SDK1: variants seen among roughly 807,000 people sequenced by gnomAD.
SDK1 encodes sidekick cell adhesion molecule 1, also known as protein sidekick-1.
Under a neutral mutation model 245.5 loss-of-function variants are expected in SDK1, and 157 were observed. The observed-to-expected ratio is 0.64, with a 90% confidence interval of 0.56 to 0.73. The LOEUF (loss-of-function observed/expected upper bound fraction) is 0.73, where lower values mean the gene tolerates loss of function less well. SDK1 is among the 30% of genes least tolerant of loss of function. SDK1 has a pLI of 0.00. For synonymous variants in SDK1, 1,647 were observed against 1,278.5 expected (o/e 1.29, Z -6.15); for missense variants, 3,583 against 3,002.3 (o/e 1.19, Z -4.52).
chr7:4,079,282 T>C (rs1780904178), intron 21 of SDK1, among the ~76,000 whole-genome samples, 181 bp from the exon 22 acceptor site: 1 of 152,244 alleles, frequency 6.6e-6, no homozygotes, highest in South Asian at 2.1e-4. Context: ...GCAAAAACCA[T>C]GCACTGATCA....
chr7:4,051,145 A>G (rs893715224), intron 18 of SDK1, among the ~76,000 whole-genome samples: 1 of 140,004 alleles, frequency 7.1e-6, no homozygotes. Flanking sequence ...TAATATATGT[A>G]TAATATATAC....
intron 4 of SDK1, among the ~76,000 whole-genome samples, chr7:3,774,146 C>T (rs1399696578): frequency 6.9e-5 from 10 of 144,820 alleles, no homozygotes; most frequent in Admixed American, 2.9e-4. Flanking sequence ...ACCCAGGAGG[C>T]GGAGGTTGCA....
intron 1 of SDK1, among the ~76,000 whole-genome samples, chr7:3,444,328 C>G (rs560047813): frequency 6.6e-6 from 1 of 152,134 alleles, no homozygotes; most frequent in Non-Finnish European, 1.5e-5. Context: ...TCCCCAACTT[C>G]CATGTTCTTA....
intron 1 of SDK1, among the ~76,000 whole-genome samples, chr7:3,482,646 G>C (rs1308459715): frequency 6.6e-6 from 1 of 152,082 alleles, no homozygotes; most frequent in South Asian, 2.1e-4. Flanking sequence ...TATCCTACTG[G>C]GGAGGTCCAA....
intron 4 of SDK1, among the ~76,000 whole-genome samples, chr7:3,759,469 C>CA (rs1304569055): frequency 6.6e-6 from 1 of 152,144 alleles, no homozygotes; most frequent in African/African-American, 2.4e-5. Context: ...TGGTGAAAGC[C>CA]AGCGACTGTG....
chr7:3,659,824 G>A (rs1783298927), intron 4 of SDK1, among the ~76,000 whole-genome samples: 3 of 152,188 alleles, frequency 2.0e-5, no homozygotes, highest in African/African-American at 7.2e-5. Flanking sequence ...TGGATGACGT[G>A]GAGAAAAGTG....
Position 3,463,358 on chromosome 7 carries a change from A to G in SDK1, c.299-155722A>G, listed in dbSNP as rs541593387. Among the ~76,000 whole-genome samples, 3 of 151,892 alleles carry G rather than the reference A, an allele frequency of 2.0e-5. 1 individual carries two copies. The highest frequency in any genetic ancestry group is 4.2e-4 in the South Asian group (2 of 4,808). On this transcript the variant is annotated intron_variant, in intron 1 of 44. Coordinates refer to ENST00000404826, the MANE Select transcript of SDK1 (RefSeq NM_152744.4). ...TTAGGACTCACATATTCATGAATGA[A>G]TGAATGAATGAATGAATGAATGAAC...
intron 4 of SDK1, among the ~76,000 whole-genome samples, chr7:3,672,788 T>A (rs1464452563): frequency 9.5e-6 from 1 of 105,626 alleles, no homozygotes; most frequent in South Asian, 3.0e-4. Context: ...TATATATATA[T>A]ATATATAAAA....
At chr7:4,189,487 C>G (rs1225630400) in intron 35 of SDK1, among the ~76,000 whole-genome samples, 1 of 152,246 alleles carries the variant, frequency 6.6e-6, no homozygotes, top group African/African-American at 2.4e-5. Context: ...GTGTCCAGCA[C>G]TGTGGCCTTT....
At chr7:4,175,962 A>G in intron 34 of SDK1, 128 bp downstream of exon 34, 3 of 742,892 alleles carry the variant, frequency 4.0e-6, no homozygotes, top group Non-Finnish European at 7.1e-6. Context: ...CGCCTCTCAA[A>G]CGCTGCGTCT....
chr7:3,492,960 C>A (rs914192696), intron 1 of SDK1, among the ~76,000 whole-genome samples: 4 of 151,814 alleles, frequency 2.6e-5, no homozygotes, highest in Non-Finnish European at 5.9e-5. Flanking sequence ...TTTTATTTTT[C>A]TATTTTTTGA....
intron 4 of SDK1, among the ~76,000 whole-genome samples, chr7:3,696,575 T>C (rs1025701406): frequency 1.3e-4 from 5 of 39,248 alleles, no homozygotes; most frequent in African/African-American, 2.0e-4. Flanking sequence ...TCTGTGTTTG[T>C]GTGTGTGTGT....
At chr7:3,556,577 T>G (rs531044152) in intron 1 of SDK1, among the ~76,000 whole-genome samples, 2 of 151,994 alleles carry the variant, frequency 1.3e-5, no homozygotes, top group South Asian at 2.1e-4. Context: ...TCCCAGCACT[T>G]TGGGAGGCTG....
chr7:3,696,572 TTG>T (rs71552319), intron 4 of SDK1, among the ~76,000 whole-genome samples: 77,203 of 147,810 alleles, frequency 0.52, 23,151 homozygotes, highest in Non-Finnish European at 0.69. Context: ...TTCTCTGTGT[TTG>T]TGTGTGTGTG....
intron 5 of SDK1, among the ~76,000 whole-genome samples, chr7:3,880,704 C>A (rs1014679059): frequency 6.6e-6 from 1 of 152,024 alleles, no homozygotes; most frequent in Non-Finnish European, 1.5e-5. Flanking sequence ...TTCCCCAGGT[C>A]GAGGTGGTGG....
At chr7:3,570,674 G>T (rs184501467) in intron 1 of SDK1, among the ~76,000 whole-genome samples, 4 of 152,090 alleles carry the variant, frequency 2.6e-5, no homozygotes, top group Non-Finnish European at 4.4e-5. Flanking sequence ...TGTCACAGTC[G>T]CAGATGGCAG....
At chr7:3,864,066 A>G (rs1562498837) in intron 5 of SDK1, among the ~76,000 whole-genome samples, 1 of 152,134 alleles carries the variant, frequency 6.6e-6, no homozygotes. Context: ...CACAGGTTCC[A>G]ATTTTTTCAT....
chr7:3,399,140 A>ATT (rs141899142), intron 1 of SDK1, among the ~76,000 whole-genome samples: 33 of 148,902 alleles, frequency 2.2e-4, no homozygotes, highest in African/African-American at 7.6e-4. Context: ...GATTCTTTTC[A>ATT]TTTTTTTTTC....
intron 4 of SDK1, among the ~76,000 whole-genome samples, chr7:3,659,911 C>T (rs978602366): frequency 6.6e-6 from 1 of 152,156 alleles, no homozygotes; most frequent in Admixed American, 6.5e-5. Flanking sequence ...AGTTAAGCTT[C>T]TTGCTTCTGA....
Sources: gnomAD v4.1 joint callset for allele counts (sites outside exome capture counted in the v4.1 genomes callset) on GRCh38, gnomAD v4.1.1 for gene constraint, MANE v1.5 for transcripts, NCBI Gene and HGNC (gene_info 2026-07-23, HGNC 2026-07-21) for gene names.